ATF7IP2: variants seen among roughly 807,000 people sequenced by gnomAD.
ATF7IP2 encodes activating transcription factor 7-interacting protein 2.
ATF7IP2 carries 42 observed loss-of-function variants against 64.2 expected under a neutral mutation model. That is an observed-to-expected ratio of 0.65 (90% CI 0.51 to 0.85). The LOEUF is 0.85. ATF7IP2 is among the 40% of genes least tolerant of loss of function. The pLI is 0.00. For missense variants in ATF7IP2, 933 were observed against 784.2 expected (o/e 1.19, Z -2.27); for synonymous variants, 308 against 272.8 (o/e 1.13, Z -1.27).
chr16:10,467,605 G>C (rs1241256561), intron 9 of ATF7IP2, among the ~76,000 whole-genome samples: 4 of 146,876 alleles, frequency 2.7e-5, no homozygotes, highest in Non-Finnish European at 6.0e-5. Context: ...GATTTTCTCT[G>C]TCACCCAGGC....
At chr16:10,413,845 G>A (rs2047818760) in intron 1 of ATF7IP2, among the ~76,000 whole-genome samples, 1 of 152,174 alleles carries the variant, frequency 6.6e-6, no homozygotes, top group Non-Finnish European at 1.5e-5. Flanking sequence ...TTGTTAAGCA[G>A]GCTGAAGATA....
chr16:10,475,649 C>T (rs796647727), intron 12 of ATF7IP2, among the ~76,000 whole-genome samples: 7 of 143,066 alleles, frequency 4.9e-5, no homozygotes, highest in South Asian at 2.3e-4. Context: ...GCCGAGATCG[C>T]GCCACTGCAC....
intron 6 of ATF7IP2, among the ~76,000 whole-genome samples, chr16:10,434,234 C>T (rs1187097606): frequency 6.6e-6 from 1 of 152,208 alleles, no homozygotes; most frequent in Non-Finnish European, 1.5e-5. Context: ...ACTACAGTCT[C>T]AGTATGCGTT....
At position 10,483,106 on chromosome 16, in the gene ATF7IP2, T is replaced by TTTTG. The variant is rs2050296361; in HGVS notation, c.*861_*864dup. ...TTCATTTGTGCTCTCCTCTTTTTTG[T>TTTTG]TTTGTTTTGCACTTTGTCAATCATT... On this transcript the variant is annotated 3_prime_UTR_variant, in exon 14 of 14. Transcript: ENST00000562102. The TTTTG allele has an allele frequency of 6.6e-6, 1 of 152,240 alleles. No individual in the cohort carries two copies. Among genetic ancestry groups the TTTTG allele is most frequent in the African/African-American group, 2.4e-5 (1 of 41,452 alleles). 9.4% of individuals were successfully genotyped at this position (152,240 alleles called of 1,614,324 possible).
intron 10 of ATF7IP2, 121 bp downstream of exon 10, chr16:10,472,304 A>G (rs566384462): frequency 2.1e-6 from 1 of 480,696 alleles, no homozygotes; most frequent in East Asian, 3.3e-5. Context: ...ATGTACTCTC[A>G]AATGTTCTAA....
At chr16:10,481,442 G>A (rs1296398743) in intron 13 of ATF7IP2, among the ~76,000 whole-genome samples, 4 of 151,778 alleles carry the variant, frequency 2.6e-5, no homozygotes, top group Admixed American at 6.6e-5. Flanking sequence ...GCACCACCAC[G>A]CACAGCTAAT....
In ATF7IP2 at chr16:10,481,917, A is replaced by G; in HGVS notation, c.1717A>G (p.Thr573Ala). 6.2e-7 allele frequency: 1 copy of G among 1,614,006 alleles called. No individual in the cohort carries two copies. Among genetic ancestry groups the G allele is most frequent in the Non-Finnish European group, 8.5e-7 (1 of 1,179,986 alleles). ...LPELVDKTRDTLPPQKPELKV... is the reference protein window; with the variant it reads ...LPELVDKTRDALPPQKPELKV... ...TGAATTAGTAGACAAAACCCGAGAC[A>G]CACTTCCTCCCCAGAAGCCTGAGCT... The change falls in exon 14 of 14, where the codon ACA (threonine) becomes GCA (alanine). Residue 573 changes from threonine (T) to alanine (A), a missense_variant. Transcript: ENST00000562102.
At chr16:10,397,818 C>G (rs1008326413) in intron 1 of ATF7IP2, among the ~76,000 whole-genome samples, 3 of 149,574 alleles carry the variant, frequency 2.0e-5, no homozygotes, top group African/African-American at 7.4e-5. Flanking sequence ...AATCGTGCCA[C>G]TGCCCTGCAA....
chr16:10,475,732 A>AAC (rs1193044134), intron 12 of ATF7IP2, among the ~76,000 whole-genome samples: 1 of 150,206 alleles, frequency 6.7e-6, no homozygotes, highest in Non-Finnish European at 1.5e-5. Flanking sequence ...GAAAAAAAAA[A>AAC]AAAAAAAAAA....
rs1376840160 is a variant in ATF7IP2, at chr16:10,482,874, TGCCCG to T, written c.*628_*632del. 1 of 152,242 alleles carries T rather than the reference TGCCCG, an allele frequency of 6.6e-6. No individual in the cohort carries two copies. Among genetic ancestry groups the T allele is most frequent in the Admixed American group, 6.5e-5 (1 of 15,288 alleles). The allele number at this position is 152,242 out of a possible 1,614,324, so 9.4% of individuals were successfully genotyped here. ...CTGGGACTATAGTCACTTGCCACCATGCCCGGCTAATTTATTTTTAGTAGAGATGA... is the reference window on the plus strand; with the variant it reads ...CTGGGACTATAGTCACTTGCCACCATGCTAATTTATTTTTAGTAGAGATGA... On this transcript the variant is annotated 3_prime_UTR_variant, in exon 14 of 14. Transcript: ENST00000562102.
intron 1 of ATF7IP2, among the ~76,000 whole-genome samples, chr16:10,399,716 C>T (rs1375899657): frequency 6.6e-6 from 1 of 152,110 alleles, no homozygotes; most frequent in Non-Finnish European, 1.5e-5. Flanking sequence ...TTTTGTAATT[C>T]AGTGAAGAAT....
chr16:10,466,675 GTCTTT>G (rs2049585591), intron 9 of ATF7IP2, among the ~76,000 whole-genome samples: 2 of 151,900 alleles, frequency 1.3e-5, no homozygotes, highest in South Asian at 4.2e-4. Flanking sequence ...TTTTTGCTTT[GTCTTT>G]TCAATTTTTT....
At chr16:10,386,280 G>A (rs1329302423) in intron 1 of ATF7IP2, 158 bp downstream of exon 1, 1 of 152,252 alleles carries the variant, frequency 6.6e-6, no homozygotes, top group African/African-American at 2.4e-5. Context: ...AAAAGCGTCC[G>A]CGGGGCCGTC....
intron 9 of ATF7IP2, among the ~76,000 whole-genome samples, chr16:10,470,392 G>A (rs991130734): frequency 7.2e-5 from 11 of 152,076 alleles, no homozygotes; most frequent in East Asian, 1.9e-4. Context: ...AATAAGTGGT[G>A]AGATATGTAA....
chr16:10,421,315 A>G (rs1490669223), intron 3 of ATF7IP2, among the ~76,000 whole-genome samples: 1 of 152,118 alleles, frequency 6.6e-6, no homozygotes, highest in African/African-American at 2.4e-5. Flanking sequence ...TCTTCTCTGG[A>G]TCTTTTCTAC....
chr16:10,444,674 C>T (rs1337306539), intron 8 of ATF7IP2, among the ~76,000 whole-genome samples: 2 of 152,090 alleles, frequency 1.3e-5, no homozygotes, highest in African/African-American at 2.4e-5. Flanking sequence ...TTTTCAAAAT[C>T]GATTTAAATG....
intron 9 of ATF7IP2, among the ~76,000 whole-genome samples, chr16:10,465,828 C>T (rs2049548938): frequency 1.3e-5 from 2 of 151,842 alleles, no homozygotes; most frequent in Admixed American, 6.6e-5. Flanking sequence ...GTGGAATTCC[C>T]GTTAGACCAT....
chr16:10,426,493 G>A (rs1314090226), intron 3 of ATF7IP2, among the ~76,000 whole-genome samples: 1 of 152,190 alleles, frequency 6.6e-6, no homozygotes, highest in East Asian at 1.9e-4. Flanking sequence ...AACCAGTTAT[G>A]AAGTGTGTAA....
intron 5 of ATF7IP2, among the ~76,000 whole-genome samples, chr16:10,431,750 G>C (rs1014983629): frequency 6.6e-6 from 1 of 150,642 alleles, no homozygotes; most frequent in African/African-American, 2.4e-5. Flanking sequence ...TTCTTATTTT[G>C]AAGTTTTATT....
Sources: gnomAD v4.1 joint callset for allele counts (sites outside exome capture counted in the v4.1 genomes callset) on GRCh38, gnomAD v4.1.1 for gene constraint, MANE v1.5 for transcripts, NCBI Gene and HGNC (gene_info 2026-07-23, HGNC 2026-07-21) for gene names.